The following MYL12B variants were observed in gnomAD, a reference collection of about 807,000 sequenced individuals.
MYL12B encodes myosin light chain 12B.
Under a neutral mutation model 12.9 loss-of-function variants are expected in MYL12B, and 3 were observed. The observed-to-expected ratio is 0.23, with a 90% CI of 0.11 to 0.60. The LOEUF is 0.60. Among genes scored for constraint, MYL12B ranks in the 20% least tolerant of loss-of-function variants. MYL12B has a pLI of 0.89. For synonymous variants in MYL12B, 57 were observed against 71.9 expected (o/e 0.79, Z 1.05); for missense variants, 120 against 215.4 (o/e 0.56, Z 2.77).
rs778509639 is a variant in MYL12B at position 3,272,859 on chromosome 18, T to G, written c.-15-25T>G. 1,101 of 1,526,416 alleles carry G rather than the reference T, an allele frequency of 7.2e-4. 1 individual carries two copies. The highest frequency in any genetic ancestry group is 1.1e-3 in the South Asian group (87 of 77,410). 94.6% of individuals were successfully genotyped at this position (1,526,416 alleles called of 1,614,324 possible). On this transcript the variant is annotated intron_variant, in intron 1 of 3. Coordinates refer to ENST00000237500, the MANE Select transcript of MYL12B (RefSeq NM_033546.4). ...GTTTTATACATTGTTTTGTTTTACG[T>G]TTTTGTGTTTTTTTTTTAATCCAGA... is the stretch of plus-strand genomic sequence containing the variant.
chr18:3,267,945 C>G (rs1423400953), intron 1 of MYL12B, among the ~76,000 whole-genome samples: 2 of 152,170 alleles, frequency 1.3e-5, no homozygotes, highest in African/African-American at 4.8e-5. Context: ...GCTTATAATA[C>G]CTCATATAAT....
chr18:3,266,703 T>G (rs2081637660), intron 1 of MYL12B, among the ~76,000 whole-genome samples: 1 of 152,244 alleles, frequency 6.6e-6, no homozygotes, highest in African/African-American at 2.4e-5. Context: ...GTTTAAAATA[T>G]CTGAAATTTA....
At chr18:3,264,883 TGGG>T (rs1221163046) in intron 1 of MYL12B, among the ~76,000 whole-genome samples, 1 of 152,176 alleles carries the variant, frequency 6.6e-6, no homozygotes, top group East Asian at 1.9e-4. Flanking sequence ...TGTAACTTAA[TGGG>T]GGTGATGGTT....
chr18:3,265,274 T>C (rs1250136205), intron 1 of MYL12B, among the ~76,000 whole-genome samples: 1 of 152,214 alleles, frequency 6.6e-6, no homozygotes, highest in Non-Finnish European at 1.5e-5. Flanking sequence ...TAACTTGATA[T>C]ATACTAAATT....
At chr18:3,273,197 A>T in intron 2 of MYL12B, 115 bp downstream of exon 2, 1 of 1,206,960 alleles carries the variant, frequency 8.3e-7, no homozygotes. Flanking sequence ...AGGCCTCTGG[A>T]GAGATTTCTG....
Position 3,277,280 on chromosome 18 carries a change from A to G in MYL12B, c.212A>G (p.Asp71Gly). 1.2e-6 allele frequency: 2 copies of G among 1,612,572 alleles called. No individual in the cohort carries two copies. The highest frequency in any genetic ancestry group is 1.7e-6 in the Non-Finnish European group (2 of 1,179,362). The change falls in exon 3 of 4, where the codon GAT becomes GGT. Residue 71 changes from aspartate to glycine, a missense_variant. By Grantham distance (94) the Asp-to-Gly change is moderately conservative (BLOSUM62 -1). Transcript: ENST00000237500. The stretch of plus-strand genomic sequence containing the variant: ...AAGAATCCCACTGATGCATACCTTG[A>G]TGCCATGATGAATGAGGCCCCAGGG... The part of the protein sequence containing the change: ...LGKNPTDAYL[D>G]AMMNEAPGPI...
At chr18:3,275,826 G>A (rs989863751) in intron 2 of MYL12B, among the ~76,000 whole-genome samples, 1 of 152,296 alleles carries the variant, frequency 6.6e-6, no homozygotes, top group African/African-American at 2.4e-5. Context: ...AGGTAGAAAA[G>A]TAGATCTTTT....
At chr18:3,276,919 CAAAAA>C (rs10706387) in intron 2 of MYL12B, 124 of 855,056 alleles carry the variant, frequency 1.5e-4, no homozygotes, top group South Asian at 7.2e-4. Context: ...GCCTATAGTC[CAAAAA>C]AAAAAAAAAA....
rs1019995339 is a variant in MYL12B, at chr18:3,277,543, T to G, written c.346+129T>G. ...AGAATAATTTTGTAAGCATATGATC[T>G]GTTTCTGAGCTTTTAAATGATTTGA... On this transcript the variant is annotated intron_variant, in intron 3 of 3. Coordinates refer to ENST00000237500, the MANE Select transcript of MYL12B (RefSeq NM_033546.4). 4 of 1,417,764 alleles carry G rather than the reference T, an allele frequency of 2.8e-6. No individual in the cohort carries two copies. The African/African-American group carries it at 5.8e-5, about 21-fold the overall frequency. The allele number at this position is 1,417,764 out of a possible 1,614,324, so 87.8% of individuals were successfully genotyped here. A position where few individuals can be genotyped will look rare whatever the true frequency, so the allele number is the denominator to read the frequency against.
rs1225083572 is a variant in MYL12B, at chr18:3,272,870, T to C, written c.-15-14T>C. ...TGTTTTGTTTTACGTTTTTGTGTTT[T>C]TTTTTTAATCCAGAATTAAACAACC... On this transcript the variant is annotated splice_polypyrimidine_tract_variant and intron_variant, in intron 1 of 3. Coordinates refer to ENST00000237500, the MANE Select transcript of MYL12B (RefSeq NM_033546.4). 1 of 1,534,254 alleles carries C rather than the reference T, an allele frequency of 6.5e-7. No homozygotes were observed. The highest frequency in any genetic ancestry group is 8.8e-7 in the Non-Finnish European group (1 of 1,137,706).
Position 3,276,763 on chromosome 18 carries a change from G to A in MYL12B, c.185-490G>A, listed in dbSNP as rs184953730. On this transcript the variant is annotated intron_variant, in intron 2 of 3. Coordinates refer to ENST00000237500, the MANE Select transcript of MYL12B (RefSeq NM_033546.4). The stretch of plus-strand genomic sequence containing the variant: ...TCAACATTCAGGATGTAGGCCGGGC[G>A]CGGTGATGCACGCCTGCAATCCCAT... Among the ~76,000 whole-genome samples the A allele has an allele frequency of 2.4e-3, 371 of 152,050 alleles. 1 individual carries two copies. Among genetic ancestry groups the A allele is most frequent in the African/African-American group, 8.1e-3 (337 of 41,458 alleles).
intron 1 of MYL12B, among the ~76,000 whole-genome samples, chr18:3,268,377 G>GT (rs2081650746): frequency 6.7e-6 from 1 of 150,102 alleles, no homozygotes; most frequent in Admixed American, 6.6e-5. Flanking sequence ...GGTTGGATTA[G>GT]TTTTTTGTGT....
intron 1 of MYL12B, among the ~76,000 whole-genome samples, chr18:3,265,282 A>AT (rs1332337818): frequency 1.3e-5 from 2 of 152,220 alleles, no homozygotes; most frequent in Non-Finnish European, 2.9e-5. Context: ...TATATACTAA[A>AT]TTCTGTTTAT....
chr18:3,270,288 ACGT>A (rs2081666916), intron 1 of MYL12B, among the ~76,000 whole-genome samples: 1 of 152,254 alleles, frequency 6.6e-6, no homozygotes, highest in African/African-American at 2.4e-5. Flanking sequence ...GGTACCATAT[ACGT>A]ATACAAATGT....
chr18:3,273,046 G>A lies in MYL12B; in HGVS notation c.148G>A (p.Asp50Asn). Residue 50 changes from aspartate (D) to asparagine (N), a missense_variant, in exon 2 of 4, where the codon GAC (aspartate) becomes AAC (asparagine). Physicochemically the swap from Asp to Asn is conservative, Grantham distance 23 (BLOSUM62 1). Coordinates refer to ENST00000237500, the MANE Select transcript of MYL12B (RefSeq NM_033546.4). ...MIDQNRDGFI[D>N]KEDLHDMLAS... The stretch of plus-strand genomic sequence containing the variant: ...TGATCAGAACAGAGATGGCTTCATC[G>A]ACAAGGAAGATTTGCATGATATGCT... 2 of 1,605,994 alleles carry A rather than the reference G, an allele frequency of 1.2e-6. No homozygotes were observed. The highest frequency in any genetic ancestry group is 1.7e-6 in the Non-Finnish European group (2 of 1,175,406).
chr18:3,275,680 G>T lies in MYL12B; in HGVS notation c.185-1573G>T, dbSNP rs532270890. 2.6e-5 allele frequency among the ~76,000 whole-genome samples: 4 copies of T among 152,244 alleles called. 1 individual carries two copies. In the South Asian group the frequency reaches 8.3e-4, roughly 32 times the overall value. On this transcript the variant is annotated intron_variant, in intron 2 of 3. Coordinates refer to ENST00000237500, the MANE Select transcript of MYL12B (RefSeq NM_033546.4). ...AGATTACATTGGATGTCTTGAGCGGGTCCATAAGTGCTTAGCCTAAACCAA... is the reference window on the plus strand; with the variant it reads ...AGATTACATTGGATGTCTTGAGCGGTTCCATAAGTGCTTAGCCTAAACCAA...
At chr18:3,270,203 AG>A (rs1177472288) in intron 1 of MYL12B, among the ~76,000 whole-genome samples, 1 of 152,194 alleles carries the variant, frequency 6.6e-6, no homozygotes, top group Admixed American at 6.5e-5. Flanking sequence ...TGGGGGCCAG[AG>A]TTCCCTTCAG....
chr18:3,265,753 G>C (rs910334071), intron 1 of MYL12B, among the ~76,000 whole-genome samples: 1 of 152,140 alleles, frequency 6.6e-6, no homozygotes, highest in Admixed American at 6.5e-5. Context: ...TAGAAAGCAG[G>C]AATAACTAGC....
chr18:3,273,232 C>A, intron 2 of MYL12B, 150 bp downstream of exon 2: 2 of 864,154 alleles, frequency 2.3e-6, no homozygotes, highest in Non-Finnish European at 3.3e-6. Context: ...TATTTTGGGG[C>A]TTGGCCAGTC....
Sources: gnomAD v4.1 joint callset for allele counts (sites outside exome capture counted in the v4.1 genomes callset) on GRCh38, gnomAD v4.1.1 for gene constraint, MANE v1.5 for transcripts, NCBI Gene and HGNC (gene_info 2026-07-23, HGNC 2026-07-21) for gene names.